The following MME variants were observed in gnomAD, a reference collection of about 807,000 sequenced individuals.
MME encodes the protein neprilysin.
Under a neutral mutation model 113.2 loss-of-function variants are expected in MME, and 98 were observed. The observed-to-expected ratio is 0.87, with a 90% CI of 0.74 to 1.02. MME has a LOEUF of 1.02. Ranked by LOEUF, MME falls within the 50% of genes least tolerant of loss-of-function variation. The pLI is 0.00. For missense variants in MME, 836 were observed against 896.0 expected, an observed-to-expected ratio of 0.93 and a Z score of 0.86; for synonymous variants, 292 against 300.6, an observed-to-expected ratio of 0.97 and a Z score of 0.30.
intron 17 of MME, among the ~76,000 whole-genome samples, chr3:155,164,287 A>G (rs896995466): frequency 6.6e-6 from 1 of 152,182 alleles, no homozygotes; most frequent in Non-Finnish European, 1.5e-5. Flanking sequence ...CTGGGGAGGC[A>G]AAAACAGGGG....
intron 1 of MME, among the ~76,000 whole-genome samples, chr3:155,061,219 G>A (rs144698762): frequency 4.8e-4 from 73 of 152,266 alleles, no homozygotes; most frequent in African/African-American, 1.7e-3. Flanking sequence ...TTGGGAGGCC[G>A]AGGTGGGCAG....
intron 1 of MME, among the ~76,000 whole-genome samples, chr3:155,031,952 C>T (rs892475375): frequency 6.6e-6 from 1 of 152,354 alleles, no homozygotes; most frequent in Middle Eastern, 3.4e-3. Context: ...AGCCATCGCA[C>T]CCGGCCACCA....
At position 155,155,073 on chromosome 3, in the gene MME, TTG is replaced by T. The variant is rs370544208; in HGVS notation, c.1602-5313_1602-5312del. On this transcript the variant is annotated intron_variant, in intron 16 of 22. Coordinates refer to ENST00000360490, the MANE Select transcript of MME (RefSeq NM_007289.4). ...CCAACAGAGTCTTTGCAGATTTTCA[TTG>T]TGTTTTGGGGTTGTTAGCAAAATGT... Among the ~76,000 whole-genome samples the T allele has an allele frequency of 4.0e-4, 61 of 152,296 alleles. 1 individual carries two copies. The South Asian group carries it at 0.012, about 31-fold the overall frequency.
intron 1 of MME, among the ~76,000 whole-genome samples, chr3:155,030,835 C>G (rs1322984675): frequency 1.3e-5 from 2 of 152,192 alleles, no homozygotes; most frequent in East Asian, 3.9e-4. Context: ...GGTCCAAAAG[C>G]CTTGTATGCC....
intron 13 of MME, 67 bp from the exon 14 acceptor site, chr3:155,144,292 A>G (rs1176039497): frequency 9.3e-7 from 1 of 1,075,888 alleles, no homozygotes. Context: ...ATGTAGCTCT[A>G]TTTTTAAAAA....
At chr3:155,171,651 G>C (rs1559965336) in intron 20 of MME, among the ~76,000 whole-genome samples, 1 of 152,102 alleles carries the variant, frequency 6.6e-6, no homozygotes, top group Non-Finnish European at 1.5e-5. Flanking sequence ...GCCTCTAAGG[G>C]ATCTCAAGAG....
chr3:155,140,975 T>C (rs1009980194), intron 10 of MME, among the ~76,000 whole-genome samples: 2 of 152,200 alleles, frequency 1.3e-5, no homozygotes, highest in African/African-American at 4.8e-5. Flanking sequence ...AAAAGCTCTC[T>C]CATAGATTCC....
rs1418690725 is a variant in MME at position 155,063,237 on chromosome 3, TATTATATAATA to T, written c.-10-20918_-10-20908del. Among the ~76,000 whole-genome samples the T allele has an allele frequency of 3.6e-5, 4 of 112,254 alleles. No homozygotes were observed. In the East Asian group the frequency reaches 9.2e-4, roughly 26 times the overall value. The allele number at this position is 112,254 out of a possible 152,430, so 73.6% of individuals were successfully genotyped here. ...TAATATACATATGTATATTATTATA[TATTATATAATA>T]ATATACATATAATGTATATTATTTA... On this transcript the variant is annotated intron_variant, in intron 1 of 22. Transcript: ENST00000492661.
chr3:155,054,151 A>G (rs1713851864), intron 1 of MME, among the ~76,000 whole-genome samples: 1 of 152,230 alleles, frequency 6.6e-6, no homozygotes, highest in Admixed American at 6.5e-5. Flanking sequence ...AGTACAGTGT[A>G]GAATTAACTT....
rs909124548 is a variant in MME at position 155,116,601 on chromosome 3, T to C, written c.439+42T>C. 8 of 1,464,500 alleles carry C rather than the reference T, an allele frequency of 5.5e-6. No individual in the cohort carries two copies. In the Admixed American group the frequency reaches 1.1e-4, roughly 20 times the overall value. 90.7% of individuals were successfully genotyped at this position (1,464,500 alleles called of 1,614,324 possible). A position where few individuals can be genotyped will look rare whatever the true frequency, so the allele number is the denominator to read the frequency against. Reference sequence around the variant, plus strand: ...TGATTTCATTAGGAGTATATATATATATATATTGGTGCCAAACTATGCCTA... The same window carrying C: ...TGATTTCATTAGGAGTATATATATACATATATTGGTGCCAAACTATGCCTA... On this transcript the variant is annotated intron_variant, in intron 5 of 22. Transcript: ENST00000360490.
At position 155,144,362 on chromosome 3, in the gene MME, G is replaced by A. The variant is rs773654354; in HGVS notation, c.1321G>A (p.Glu441Lys). The A allele has an allele frequency of 1.0e-5, 16 of 1,607,502 alleles. No homozygotes were observed. Among genetic ancestry groups the A allele is most frequent in the East Asian group, 4.5e-5 (2 of 44,742 alleles). The change falls in exon 14 of 23, where the codon GAG (glutamate) becomes AAG (lysine). Residue 441 changes from glutamate (E) to lysine (K), a missense_variant. Transcript: ENST00000360490. ...AFAGESKHVV[E>K]DLIAQIREVF... ...TTGTCTTCTGTTCTGATTTGAGGTC[G>A]AGGATTTGATTGCACAGATCCGAGA...
At chr3:155,100,181 C>T (rs1717083413) in intron 3 of MME, among the ~76,000 whole-genome samples, 1 of 152,126 alleles carries the variant, frequency 6.6e-6, no homozygotes, top group South Asian at 2.1e-4. Context: ...TCAGAATCTA[C>T]AAAGAACTCC....
intron 17 of MME, among the ~76,000 whole-genome samples, chr3:155,165,639 TGTGTGAGACAGAAA>T (rs1723038265): frequency 6.6e-6 from 1 of 152,150 alleles, no homozygotes; most frequent in Admixed American, 6.6e-5. Flanking sequence ...AGATTGTAGT[TGTGTGAGACAGAAA>T]GTGGGAGACT....
At chr3:155,161,601 GA>G (rs1479862883) in intron 17 of MME, among the ~76,000 whole-genome samples, 1 of 152,110 alleles carries the variant, frequency 6.6e-6, no homozygotes, top group Non-Finnish European at 1.5e-5. Context: ...GTTAGGTTAA[GA>G]AGTTATCTAC....
chr3:155,134,604 A>G (rs1217072131), intron 8 of MME, among the ~76,000 whole-genome samples: 1 of 152,096 alleles, frequency 6.6e-6, no homozygotes, highest in Non-Finnish European at 1.5e-5. Context: ...TTAACAAATG[A>G]GTGCATAAGT....
At chr3:155,072,208 C>T (rs1233727678) in intron 1 of MME, among the ~76,000 whole-genome samples, 1 of 150,086 alleles carries the variant, frequency 6.7e-6, no homozygotes, top group Admixed American at 6.6e-5. Flanking sequence ...ACTGTCCTAG[C>T]CCTTTAACAG....
At chr3:155,133,651 A>G (rs1720354995) in intron 8 of MME, among the ~76,000 whole-genome samples, 1 of 78,152 alleles carries the variant, frequency 1.3e-5, no homozygotes, top group Non-Finnish European at 2.5e-5. Context: ...CACACCATAT[A>G]TATACACACA....
upstream of MME, among the ~76,000 whole-genome samples, chr3:155,075,862 C>T (rs1461261872): frequency 6.6e-6 from 1 of 152,120 alleles, no homozygotes; most frequent in Non-Finnish European, 1.5e-5. Context: ...TTAAACTCTC[C>T]CAGCTTACAC....
chr3:155,097,322 C>A (rs1312433395), intron 3 of MME, among the ~76,000 whole-genome samples: 4 of 152,006 alleles, frequency 2.6e-5, no homozygotes, highest in Non-Finnish European at 4.4e-5. Flanking sequence ...CATAAAGCAA[C>A]ATTTAAAAAT....
Sources: gnomAD v4.1 joint callset for allele counts (sites outside exome capture counted in the v4.1 genomes callset) on GRCh38, gnomAD v4.1.1 for gene constraint, MANE v1.5 for transcripts, NCBI Gene and HGNC (gene_info 2026-07-23, HGNC 2026-07-21) for gene names.